The following SOD2 variants were observed in gnomAD, a reference collection of about 807,000 sequenced individuals.
The protein encoded by SOD2 is superoxide dismutase 2.
In SOD2, 11 loss-of-function variants were observed where a neutral mutation model predicts 27.0. The observed-to-expected ratio is 0.41, with a 90% confidence interval of 0.26 to 0.67. SOD2 has a LOEUF of 0.67. Ranked by LOEUF, SOD2 falls within the 30% of genes least tolerant of loss-of-function variation. SOD2 has a pLI of 0.34. For missense variants in SOD2, 250 were observed against 274.5 expected, an observed-to-expected ratio of 0.91 and a Z score of 0.63; for synonymous variants, 105 against 103.0, an observed-to-expected ratio of 1.02 and a Z score of -0.12.
exon 1 of SOD2, chr6:159,761,839 C>A: frequency 4.6e-6 from 1 of 219,398 alleles, no homozygotes; most frequent in Non-Finnish European, 8.8e-6. Context: ...TCACTTCCGC[C>A]CCGCGCCCCG....
At chr6:159,699,830 C>A (rs1474681991) in intron 1 of SOD2, among the ~76,000 whole-genome samples, 1 of 151,086 alleles carries the variant, frequency 6.6e-6, no homozygotes, top group East Asian at 1.9e-4. Context: ...TACATCTACT[C>A]GGAGCAGCCA....
chr6:159,751,482 C>T (rs1310455730), intron 1 of SOD2, among the ~76,000 whole-genome samples: 1 of 152,210 alleles, frequency 6.6e-6, no homozygotes, highest in African/African-American at 2.4e-5. Context: ...TTTTGACAAT[C>T]TTGCATATCT....
intron 1 of SOD2, among the ~76,000 whole-genome samples, chr6:159,752,821 C>T (rs1281371535): frequency 2.0e-5 from 3 of 152,192 alleles, no homozygotes; most frequent in East Asian, 1.9e-4. Context: ...ATGGTCACAG[C>T]GTCAACCACT....
intron 3 of SOD2, among the ~76,000 whole-genome samples, chr6:159,685,672 CCGT>C (rs869223379): frequency 2.5e-4 from 10 of 40,646 alleles, no homozygotes; most frequent in African/African-American, 4.8e-4. Context: ...TTTTCACCCC[CCGT>C]CCCCTTCTTT....
rs1223192198 is a variant in SOD2 at position 159,692,355 on chromosome 6, G to A, written c.226+306C>T. ...GTGACACAGTAGAGCTTTCTTTTCA[G>A]GCCCTACAATTCACCAGTGCTGGCA... On this transcript the variant is annotated intron_variant, in intron 2 of 4. Transcript: ENST00000538183. The A allele has an allele frequency of 5.0e-6, 6 of 1,204,714 alleles. 1 individual carries two copies. The South Asian group carries it at 1.2e-4, about 25-fold the overall frequency. 74.6% of individuals were successfully genotyped at this position (1,204,714 alleles called of 1,614,324 possible). A position where few individuals can be genotyped will look rare whatever the true frequency, so the allele number is the denominator to read the frequency against.
exon 1 of SOD2, chr6:159,761,870 C>T (rs1780137206): frequency 7.3e-6 from 1 of 136,928 alleles, no homozygotes; most frequent in South Asian, 3.2e-4. Context: ...TCACTTCCGC[C>T]CCGCGCCCCG....
intron 1 of SOD2, among the ~76,000 whole-genome samples, chr6:159,712,572 A>G (rs148929481): frequency 0.014 from 1,218 of 87,902 alleles, 35 homozygotes; most frequent in Middle Eastern, 0.095. Flanking sequence ...CACTCACACT[A>G]CTCTGATCAC....
At chr6:159,743,789 T>C (rs1190326356) in intron 1 of SOD2, 4 of 1,600,460 alleles carry the variant, frequency 2.5e-6, no homozygotes, top group East Asian at 2.2e-5. Flanking sequence ...TGCAAGAGTG[T>C]ACTGTAAGTA....
intron 1 of SOD2, chr6:159,720,358 CTTT>C (rs1017671457): frequency 6.6e-6 from 1 of 152,112 alleles, no homozygotes; most frequent in African/African-American, 2.4e-5. Flanking sequence ...CCTGTATGTA[CTTT>C]TTAATACAGT....
At chr6:159,717,950 C>G (rs1400718991) in intron 1 of SOD2, among the ~76,000 whole-genome samples, 2 of 151,620 alleles carry the variant, frequency 1.3e-5, no homozygotes, top group Non-Finnish European at 2.9e-5. Flanking sequence ...TATATATACA[C>G]TCACACATAC....
At chr6:159,733,515 G>A (rs966321873) in intron 1 of SOD2, among the ~76,000 whole-genome samples, 2 of 152,118 alleles carry the variant, frequency 1.3e-5, no homozygotes, top group South Asian at 2.1e-4. Flanking sequence ...CCAGGTACTC[G>A]GGAGGCTGAG....
At position 159,712,444 on chromosome 6, in the gene SOD2, A is replaced by G. The variant is rs878969282; in HGVS notation, c.-116+14685T>C. 2.9e-3 allele frequency among the ~76,000 whole-genome samples: 36 copies of G among 12,466 alleles called. 1 individual carries two copies. The highest frequency in any genetic ancestry group is 5.1e-3 in the Admixed American group (6 of 1,180). 8.2% of individuals were successfully genotyped at this position (12,466 alleles called of 152,430 possible). On this transcript the variant is annotated intron_variant, in intron 1 of 2. Transcript: ENST00000401980. ...AACCACCTCCATAACCACCACTCAC[A>G]CTGCTCAGACCTCCATAACCACCTC...
chr6:159,758,269 AC>A (rs933694189), intron 1 of SOD2, among the ~76,000 whole-genome samples: 32 of 148,204 alleles, frequency 2.2e-4, no homozygotes, highest in East Asian at 1.4e-3. Flanking sequence ...AAAAAAAAAA[AC>A]CACAGACTGG....
chr6:159,723,678 CCT>C (rs573849317), intron 1 of SOD2, among the ~76,000 whole-genome samples: 231 of 152,340 alleles, frequency 1.5e-3, no homozygotes, highest in Non-Finnish European at 2.6e-3. Flanking sequence ...AGAGAAAACC[CCT>C]CTGTTTGTGG....
chr6:159,739,433 T>A (rs1779109568), intron 1 of SOD2, among the ~76,000 whole-genome samples: 2 of 152,334 alleles, frequency 1.3e-5, no homozygotes, highest in East Asian at 1.9e-4. Context: ...TTCATACTCT[T>A]CATTTTCTCA....
rs1361677325 is a variant in SOD2 at position 159,679,373 on chromosome 6, T to C, written c.*3120A>G. On this transcript the variant is annotated 3_prime_UTR_variant, in exon 5 of 5. Coordinates refer to ENST00000538183, the MANE Select transcript of SOD2 (RefSeq NM_000636.4). The stretch of plus-strand genomic sequence containing the variant: ...TCCCAAACAGTACTTCCCCTGGAAT[T>C]AAAACAGGAAATACAATTTATGTTT... The C allele has an allele frequency of 6.6e-6, 1 of 152,230 alleles. No homozygotes were observed. Among genetic ancestry groups the C allele is most frequent in the African/African-American group, 2.4e-5 (1 of 41,470 alleles). 9.4% of individuals were successfully genotyped at this position (152,230 alleles called of 1,614,324 possible).
intron 1 of SOD2, among the ~76,000 whole-genome samples, chr6:159,759,609 G>A (rs1457126976): frequency 6.6e-6 from 1 of 151,164 alleles, no homozygotes; most frequent in Non-Finnish European, 1.5e-5. Flanking sequence ...GGTGGAGGTT[G>A]TGGTGAGCCG....
intron 2 of SOD2, among the ~76,000 whole-genome samples, chr6:159,690,122 A>G (rs1163935604): frequency 2.6e-5 from 4 of 150,948 alleles, no homozygotes; most frequent in Non-Finnish European, 5.9e-5. Flanking sequence ...TGTCTCTACT[A>G]AAAAACCCAC....
intron 1 of SOD2, among the ~76,000 whole-genome samples, chr6:159,716,610 C>T (rs1306376806): frequency 2.0e-5 from 3 of 152,192 alleles, no homozygotes; most frequent in Non-Finnish European, 2.9e-5. Flanking sequence ...AAGACCATGA[C>T]AGCCATGCTT....
Sources: gnomAD v4.1 joint callset for allele counts (sites outside exome capture counted in the v4.1 genomes callset) on GRCh38, gnomAD v4.1.1 for gene constraint, MANE v1.5 for transcripts, NCBI Gene and HGNC (gene_info 2026-07-23, HGNC 2026-07-21) for gene names.